XKR6: variants seen among roughly 807,000 people sequenced by gnomAD.
The protein encoded by XKR6 is XK-related protein 6.
XKR6 carries 22 observed loss-of-function variants against 56.7 expected under a neutral mutation model. The observed-to-expected ratio is 0.39, with a 90% CI of 0.28 to 0.55. XKR6 has a LOEUF of 0.55. Among genes scored for constraint, XKR6 ranks in the 20% least tolerant of loss-of-function variants. The probability of loss-of-function intolerance (pLI) is 0.66; values close to 1 mark genes in which losing one functional copy is unlikely to be tolerated. For missense variants in XKR6, 852 were observed against 889.0 expected, an observed-to-expected ratio of 0.96 and a Z score of 0.53; for synonymous variants, 524 against 387.8, an observed-to-expected ratio of 1.35 and a Z score of -4.13.
intron 1 of XKR6, among the ~76,000 whole-genome samples, chr8:11,161,620 C>A (rs780470093): frequency 1.3e-4 from 20 of 152,230 alleles, no homozygotes; most frequent in Non-Finnish European, 2.4e-4. Context: ...ATGTTTTCAT[C>A]TTTCTCATAT....
At chr8:11,140,171 T>G (rs1216078737) in intron 1 of XKR6, among the ~76,000 whole-genome samples, 1 of 141,190 alleles carries the variant, frequency 7.1e-6, no homozygotes. Flanking sequence ...AGAGAAGAAA[T>G]GAATACTAAA....
At chr8:11,039,916 G>A (rs1172593766) in intron 1 of XKR6, among the ~76,000 whole-genome samples, 1 of 152,212 alleles carries the variant, frequency 6.6e-6, no homozygotes, top group Non-Finnish European at 1.5e-5. Flanking sequence ...CAAGCTTCCT[G>A]TCCATGCCTT....
intron 1 of XKR6, among the ~76,000 whole-genome samples, chr8:11,045,075 CTTTTTTTTTTTTTT>C (rs5889356): frequency 4.2e-4 from 15 of 36,000 alleles, no homozygotes; most frequent in African/African-American, 1.1e-3. Flanking sequence ...TCAAATCACT[CTTTTTTTTTTTTTT>C]TTTTTTTTTT....
At chr8:11,050,162 C>T (rs1000394022) in intron 1 of XKR6, among the ~76,000 whole-genome samples, 2 of 152,176 alleles carry the variant, frequency 1.3e-5, no homozygotes, top group African/African-American at 2.4e-5. Context: ...GGCTAGCACA[C>T]GGAGACACGC....
intron 1 of XKR6, among the ~76,000 whole-genome samples, chr8:10,928,259 G>T (rs572957454): frequency 6.6e-6 from 1 of 152,156 alleles, no homozygotes; most frequent in African/African-American, 2.4e-5. Flanking sequence ...ACCACAACAC[G>T]TGCAAAGCCC....
chr8:11,086,965 G>A (rs537342100), intron 1 of XKR6, among the ~76,000 whole-genome samples: 5 of 152,302 alleles, frequency 3.3e-5, no homozygotes, highest in African/African-American at 1.2e-4. Flanking sequence ...GTGGCTCCAT[G>A]GTCTCTCGGA....
intron 1 of XKR6, among the ~76,000 whole-genome samples, chr8:11,056,172 C>T (rs1303623158): frequency 1.3e-5 from 2 of 152,180 alleles, no homozygotes; most frequent in Non-Finnish European, 2.9e-5. Context: ...GAGAGGCTTC[C>T]GGAGGCGTCC....
chr8:11,061,587 G>A (rs1040579789), intron 1 of XKR6, among the ~76,000 whole-genome samples: 1 of 152,178 alleles, frequency 6.6e-6, no homozygotes, highest in Non-Finnish European at 1.5e-5. Flanking sequence ...TCTCCCTCAT[G>A]CACATCCGTT....
intron 1 of XKR6, among the ~76,000 whole-genome samples, chr8:11,005,019 G>A (rs900575460): frequency 6.6e-6 from 1 of 152,180 alleles, no homozygotes; most frequent in East Asian, 1.9e-4. Context: ...AGAACAGAAT[G>A]TGGTACAGTC....
rs181998371 is a variant in XKR6 at position 11,091,724 on chromosome 8, G to A, written c.764+108852C>T. Among the ~76,000 whole-genome samples the A allele has an allele frequency of 2.0e-5, 3 of 152,228 alleles. No homozygotes were observed. The East Asian group carries it at 5.8e-4, about 29-fold the overall frequency. Reference sequence around the variant, plus strand: ...TGGAAGCCATTTGCAGTGATGCCCTGCAGCCGTGGGGCCGGGTGAGTTACC... The same window carrying A: ...TGGAAGCCATTTGCAGTGATGCCCTACAGCCGTGGGGCCGGGTGAGTTACC... On this transcript the variant is annotated intron_variant, in intron 1 of 2. Coordinates refer to ENST00000416569, the MANE Select transcript of XKR6 (RefSeq NM_173683.4).
At chr8:10,996,891 C>T (rs1798125738) in intron 1 of XKR6, among the ~76,000 whole-genome samples, 1 of 152,084 alleles carries the variant, frequency 6.6e-6, no homozygotes, top group Non-Finnish European at 1.5e-5. Context: ...TGGCTTTGAG[C>T]CCAGGAGTCT....
At chr8:10,945,092 G>T (rs776512247) in intron 1 of XKR6, among the ~76,000 whole-genome samples, 1 of 152,140 alleles carries the variant, frequency 6.6e-6, no homozygotes, top group Non-Finnish European at 1.5e-5. Context: ...GGGTGAAACT[G>T]GCTCCACCCC....
chr8:11,002,894 G>C (rs1798276258), intron 1 of XKR6, among the ~76,000 whole-genome samples: 1 of 152,204 alleles, frequency 6.6e-6, no homozygotes, highest in African/African-American at 2.4e-5. Flanking sequence ...TACAGAGCAA[G>C]GCACTTCTGA....
At chr8:11,176,412 C>A (rs1802657635) in intron 1 of XKR6, among the ~76,000 whole-genome samples, 1 of 152,000 alleles carries the variant, frequency 6.6e-6, no homozygotes, top group South Asian at 2.1e-4. Flanking sequence ...AATAAAGTCA[C>A]CTAAAAGAAA....
intron 1 of XKR6, among the ~76,000 whole-genome samples, chr8:11,077,969 T>C (rs1554452525): frequency 6.6e-6 from 1 of 151,564 alleles, no homozygotes; most frequent in Non-Finnish European, 1.5e-5. Flanking sequence ...GCAGGGGAGG[T>C]TCTGGGTGGG....
intron 1 of XKR6, among the ~76,000 whole-genome samples, chr8:11,195,738 T>A (rs1803848165): frequency 6.7e-6 from 1 of 149,838 alleles, no homozygotes; most frequent in South Asian, 2.1e-4. Context: ...AAGCTCCACC[T>A]CCCGGGTTGA....
intron 1 of XKR6, among the ~76,000 whole-genome samples, chr8:11,189,876 G>A (rs1438851565): frequency 6.6e-6 from 1 of 152,200 alleles, no homozygotes; most frequent in Non-Finnish European, 1.5e-5. Flanking sequence ...AGCTGCTTTG[G>A]ACGGGTGCAG....
chr8:11,091,462 G>A (rs112242008), intron 1 of XKR6, among the ~76,000 whole-genome samples: 8,073 of 100,226 alleles, frequency 0.081, 262 homozygotes, highest in Middle Eastern at 0.12. Context: ...TAAATAGATA[G>A]ATAGATAAAA....
chr8:11,087,049 C>T (rs958513228), intron 1 of XKR6, among the ~76,000 whole-genome samples: 1 of 152,096 alleles, frequency 6.6e-6, no homozygotes, highest in Non-Finnish European at 1.5e-5. Context: ...TCAATTAACC[C>T]CGAACTCCCC....
Sources: allele counts gnomAD v4.1 joint callset (sites outside exome capture counted in the v4.1 genomes callset), GRCh38; gene constraint gnomAD v4.1.1; transcripts MANE v1.5; gene names NCBI Gene and HGNC (gene_info 2026-07-23, HGNC 2026-07-21).